CHD9: variants seen among roughly 807,000 people sequenced by gnomAD.
CHD9 encodes chromodomain helicase DNA binding protein 9, also known as ATP-dependent chromatin remodeler CHD9.
Under a neutral mutation model 316.1 loss-of-function variants are expected in CHD9, and 77 were observed. That is an observed-to-expected ratio of 0.24 (90% confidence interval 0.20 to 0.29). CHD9 has a LOEUF of 0.29. CHD9 is among the 10% of genes least tolerant of loss of function. The probability of loss-of-function intolerance (pLI) is 1.00; values close to 1 mark genes in which losing one functional copy is unlikely to be tolerated. For synonymous variants in CHD9, 1,129 were observed against 1,158.3 expected (o/e 0.97, Z 0.51); for missense variants, 2,763 against 3,438.1 (o/e 0.80, Z 4.91).
intron 30 of CHD9, chr16:53,299,316 C>G (rs2055132004): frequency 6.4e-6 from 1 of 155,888 alleles, no homozygotes; most frequent in Non-Finnish European, 1.4e-5. Flanking sequence ...TCACAGCCAC[C>G]CATAATGAAA....
intron 12 of CHD9, among the ~76,000 whole-genome samples, chr16:53,242,617 T>C (rs1356741250): frequency 6.6e-6 from 1 of 152,192 alleles, no homozygotes; most frequent in Non-Finnish European, 1.5e-5. Flanking sequence ...AGGATACAAT[T>C]ATGAATAATA....
intron 1 of CHD9, among the ~76,000 whole-genome samples, chr16:53,149,721 AATATAT>A (rs374772728): frequency 7.8e-6 from 1 of 128,290 alleles, no homozygotes; most frequent in Non-Finnish European, 1.8e-5. Flanking sequence ...CTAATTTAAA[AATATAT>A]ATATATATAT....
intron 1 of CHD9, among the ~76,000 whole-genome samples, chr16:53,070,157 C>T (rs1385873092): frequency 6.6e-6 from 1 of 152,052 alleles, no homozygotes; most frequent in African/African-American, 2.4e-5. Flanking sequence ...TTTTGGGTAT[C>T]AGTCCCTTAC....
intron 37 of CHD9, chr16:53,319,771 A>G: frequency 3.4e-6 from 4 of 1,180,954 alleles, no homozygotes; most frequent in Non-Finnish European, 4.4e-6. Flanking sequence ...CATGTTCCTT[A>G]ATTTGTAGAG....
At chr16:53,277,919 C>G (rs1252349182) in intron 24 of CHD9, among the ~76,000 whole-genome samples, 2 of 151,388 alleles carry the variant, frequency 1.3e-5, no homozygotes, top group African/African-American at 4.9e-5. Context: ...TTTCAGGATA[C>G]AAAATTAATG....
chr16:53,286,628 A>G (rs369344759), intron 26 of CHD9, among the ~76,000 whole-genome samples: 1 of 152,154 alleles, frequency 6.6e-6, no homozygotes, highest in East Asian at 1.9e-4. Flanking sequence ...CTAGGGGCAT[A>G]GGGGGAGAAA....
rs776540496 is a variant in CHD9 at position 53,215,713 on chromosome 16, A to G, written c.1784+5900A>G. 2.3e-4 allele frequency among the ~76,000 whole-genome samples: 35 copies of G among 152,300 alleles called. 1 individual carries two copies. The Middle Eastern group carries it at 0.014, about 59-fold the overall frequency. Reference sequence around the variant, plus strand: ...TTGGGTAAGATTCATTGTTTGTCCAATTATTGGAATGAGAGAATCAACAGG... The same window carrying G: ...TTGGGTAAGATTCATTGTTTGTCCAGTTATTGGAATGAGAGAATCAACAGG... On this transcript the variant is annotated intron_variant, in intron 3 of 38. Coordinates refer to ENST00000447540, the MANE Select transcript of CHD9 (RefSeq NM_001308319.2).
intron 13 of CHD9, among the ~76,000 whole-genome samples, chr16:53,243,304 G>A (rs541489335): frequency 6.6e-6 from 1 of 152,170 alleles, no homozygotes; most frequent in African/African-American, 2.4e-5. Context: ...AAGACCGTAA[G>A]TTTTTGTTTT....
chr16:53,286,325 C>G lies in CHD9; in HGVS notation c.5171C>G (p.Ala1724Gly), dbSNP rs762061891. ...AAAGCAGTTGCTGCTGAACAGAGAG[C>G]GAATGATTATATGGATGGGTATGTG... is the stretch of plus-strand genomic sequence containing the variant. ...DEKAVAAEQRANDYMDGDVED... is the reference protein window; with the variant it reads ...DEKAVAAEQRGNDYMDGDVED... Residue 1724 changes from alanine to glycine, a missense_variant, in exon 26 of 39, where the codon GCG (alanine) becomes GGG (glycine). Ala to Gly is a moderately conservative substitution (Grantham distance 60). Around this residue, in one of 15 missense-constraint regions of CHD9, gnomAD observed 183 missense variants for 258.5 expected, o/e 0.71. Transcript: ENST00000447540. 6.2e-7 allele frequency: 1 copy of G among 1,601,854 alleles called. No homozygotes were observed. Among genetic ancestry groups the G allele is most frequent in the African/African-American group, 1.3e-5 (1 of 74,698 alleles).
intron 11 of CHD9, among the ~76,000 whole-genome samples, chr16:53,235,962 A>G (rs541002072): frequency 1.1e-4 from 17 of 152,260 alleles, no homozygotes; most frequent in African/African-American, 3.8e-4. Context: ...ATTTGATGAT[A>G]CTTTTATTCA....
At chr16:53,246,709 A>T (rs946026013) in intron 15 of CHD9, among the ~76,000 whole-genome samples, 1 of 151,718 alleles carries the variant, frequency 6.6e-6, no homozygotes, top group Non-Finnish European at 1.5e-5. Flanking sequence ...TTTTTGGTAG[A>T]GATGGGGTCT....
chr16:53,247,464 G>T lies in CHD9; in HGVS notation c.3626G>T (p.Arg1209Leu). 1 of 1,606,362 alleles carries T rather than the reference G, an allele frequency of 6.2e-7. No homozygotes were observed. Among genetic ancestry groups the T allele is most frequent in the East Asian group, 2.2e-5 (1 of 44,750 alleles). Residue 1209 changes from arginine (R) to leucine (L), a missense_variant, in exon 16 of 39, where the codon CGT becomes CTT. By Grantham distance (102) the Arg-to-Leu change is moderately radical. Transcript: ENST00000447540. ...HKVLIFSQMV[R>L]CLDILEDYLI... ...GTGCTCATCTTCTCTCAAATGGTTC[G>T]TTGCCTTGACATTCTGGAGGACTAT... is the stretch of plus-strand genomic sequence containing the variant.
chr16:53,195,959 T>C lies in CHD9; in HGVS notation c.1453-13523T>C, dbSNP rs1177577662. On this transcript the variant is annotated intron_variant, in intron 2 of 38. Transcript: ENST00000447540. Reference sequence around the variant, plus strand: ...TTTTAGTAGAGATGGGGTTTTGCCATGTTGGCCAGACTGGTCTTGAATGCT... The same window carrying C: ...TTTTAGTAGAGATGGGGTTTTGCCACGTTGGCCAGACTGGTCTTGAATGCT... 7.2e-5 allele frequency among the ~76,000 whole-genome samples: 11 copies of C among 152,170 alleles called. 1 individual carries two copies. In the East Asian group the frequency reaches 1.9e-3, roughly 27 times the overall value.
intron 1 of CHD9, among the ~76,000 whole-genome samples, chr16:53,154,652 A>G (rs193240162): frequency 3.9e-5 from 6 of 152,314 alleles, no homozygotes; most frequent in Admixed American, 3.3e-4. Context: ...GATCACTTAC[A>G]TATGCAGTTC....
At chr16:53,058,984 C>T (rs1359319052) in intron 1 of CHD9, among the ~76,000 whole-genome samples, 3 of 152,168 alleles carry the variant, frequency 2.0e-5, no homozygotes, top group Non-Finnish European at 4.4e-5. Context: ...AGCCAAGTAG[C>T]TGGGGCTACA....
At position 53,297,092 on chromosome 16, in the gene CHD9, T is replaced by C. The variant is rs1567642254; in HGVS notation, c.5647T>C (p.Leu1883=). The part of the protein sequence containing the change: ...ARLHKKTDDS[L]EKYLYAFMSM... ...GCTACATAAGAAAACTGATGATAGT[T>C]TGGAAAAATATTTGTACGCATTCAT... Residue 1883 remains leucine, a synonymous_variant, in exon 30 of 39, where the codon TTG becomes CTG. Transcript: ENST00000447540. 6.2e-7 allele frequency: 1 copy of C among 1,613,930 alleles called. No individual in the cohort carries two copies. The highest frequency in any genetic ancestry group is 1.1e-5 in the South Asian group (1 of 91,082).
intron 2 of CHD9, among the ~76,000 whole-genome samples, chr16:53,178,192 C>CT (rs2043216441): frequency 6.6e-6 from 1 of 152,106 alleles, no homozygotes; most frequent in Non-Finnish European, 1.5e-5. Flanking sequence ...GAACCAGACC[C>CT]TCTAAATTGT....
rs1004589573 is a variant in CHD9, at chr16:53,080,690, G to A, written c.-165+25613G>A. On this transcript the variant is annotated intron_variant, in intron 1 of 38. Transcript: ENST00000447540. Reference sequence around the variant, plus strand: ...AAATACCGTGACTCTCTGCAAATGCGCACAGCCCAAACAGCTTTTTCCAGT... The same window carrying A: ...AAATACCGTGACTCTCTGCAAATGCACACAGCCCAAACAGCTTTTTCCAGT... 3.9e-5 allele frequency among the ~76,000 whole-genome samples: 6 copies of A among 152,130 alleles called. No individual in the cohort carries two copies. In the East Asian group the frequency reaches 5.8e-4, roughly 15 times the overall value.
chr16:53,106,326 G>A (rs1197836093), intron 1 of CHD9, among the ~76,000 whole-genome samples: 1 of 152,198 alleles, frequency 6.6e-6, no homozygotes, highest in Non-Finnish European at 1.5e-5. Flanking sequence ...TGAACCAGAA[G>A]TTCAGGCTTC....
Sources: gnomAD v4.1 joint callset for allele counts (sites outside exome capture counted in the v4.1 genomes callset) on GRCh38, gnomAD v4.1.1 for gene constraint, gnomAD v4.1.1 regional missense constraint, MANE v1.5 for transcripts, NCBI Gene and HGNC (gene_info 2026-07-23, HGNC 2026-07-21) for gene names.